The following PPP1R17 variants were observed in gnomAD, a reference collection of about 807,000 sequenced individuals.
The protein encoded by PPP1R17 is protein phosphatase 1 regulatory subunit 17, also known as G-substrate.
Under a neutral mutation model 15.9 loss-of-function variants are expected in PPP1R17, and 12 were observed. The ratio of observed to expected loss-of-function variants is 0.75; its 90% CI spans 0.48 to 1.22. The LOEUF (loss-of-function observed/expected upper bound fraction) is 1.22, where lower values mean the gene tolerates loss of function less well. Among genes scored for constraint, PPP1R17 ranks in the 50% most tolerant of loss-of-function variants. PPP1R17 has a pLI of 0.00. For missense variants in PPP1R17, 211 were observed against 187.3 expected, an observed-to-expected ratio of 1.13 and a Z score of -0.74; for synonymous variants, 63 against 64.5, an observed-to-expected ratio of 0.98 and a Z score of 0.11.
chr7:31,689,552 C>T (rs1792248579), intron 1 of PPP1R17, among the ~76,000 whole-genome samples: 1 of 151,998 alleles, frequency 6.6e-6, no homozygotes, highest in Non-Finnish European at 1.5e-5. Flanking sequence ...GGAAATATTC[C>T]ATTTCCTATG....
chr7:31,702,955 C>T (rs781153190), intron 4 of PPP1R17, among the ~76,000 whole-genome samples: 9 of 152,126 alleles, frequency 5.9e-5, no homozygotes, highest in South Asian at 2.1e-4. Flanking sequence ...TCCCAGTATA[C>T]GAAATTGAAC....
intron 1 of PPP1R17, among the ~76,000 whole-genome samples, chr7:31,691,762 CTT>C (rs1390789357): frequency 8.0e-6 from 1 of 124,426 alleles, no homozygotes; most frequent in Non-Finnish European, 1.6e-5. Context: ...GAGGTAGTCT[CTT>C]TACTTTATAC....
At chr7:31,704,316 A>G (rs1792978238) in intron 4 of PPP1R17, among the ~76,000 whole-genome samples, 2 of 152,192 alleles carry the variant, frequency 1.3e-5, no homozygotes, top group Admixed American at 1.3e-4. Flanking sequence ...TGTAATGTGC[A>G]TGAACTATTT....
At chr7:31,696,231 C>T (rs758651001) in intron 3 of PPP1R17, among the ~76,000 whole-genome samples, 1 of 152,154 alleles carries the variant, frequency 6.6e-6, no homozygotes, top group Non-Finnish European at 1.5e-5. Flanking sequence ...TTTCTCCCTC[C>T]CTCTTTGTCA....
chr7:31,702,207 A>ATTT (rs34824281), intron 4 of PPP1R17, among the ~76,000 whole-genome samples: 2,981 of 141,944 alleles, frequency 0.021, 75 homozygotes, highest in African/African-American at 0.068. Flanking sequence ...ACCCTTATTT[A>ATTT]TTTTTTTTTT....
rs1171861360 is a variant in PPP1R17, at chr7:31,707,211, A to G, written c.396A>G (p.Thr132=). Residue 132 remains threonine (T), a synonymous_variant, in exon 5 of 5, where the codon ACA becomes ACG. Transcript: ENST00000342032. ...LHMSPFAAGV[T]LLRDERPKAI... is the part of the protein sequence containing the mutation. ...CTGTGCTTTGTTTTGCAGGTGTGAC[A>G]TTGCTCAGGGACGAGAGACCCAAAG... 1.9e-6 allele frequency: 3 copies of G among 1,613,750 alleles called. No individual in the cohort carries two copies. In the South Asian group the frequency reaches 3.3e-5, roughly 18 times the overall value.
At position 31,707,413 on chromosome 7, in the gene PPP1R17, C is replaced by G; in HGVS notation, c.*130C>G. 1 of 705,532 alleles carries G rather than the reference C, an allele frequency of 1.4e-6. No individual in the cohort carries two copies. The highest frequency in any genetic ancestry group is 2.3e-6 in the Non-Finnish European group (1 of 426,478). 43.7% of individuals were successfully genotyped at this position (705,532 alleles called of 1,614,324 possible). Reference sequence around the variant, plus strand: ...CTTGAAGATTCAGACACCTTCTCCCCAGGAGATGTATGCCATCAAATTGCC... The same window carrying G: ...CTTGAAGATTCAGACACCTTCTCCCGAGGAGATGTATGCCATCAAATTGCC... On this transcript the variant is annotated 3_prime_UTR_variant, in exon 5 of 5. Coordinates refer to ENST00000342032, the MANE Select transcript of PPP1R17 (RefSeq NM_006658.5).
At chr7:31,688,135 A>G (rs34161) in intron 1 of PPP1R17, among the ~76,000 whole-genome samples, 63,546 of 152,026 alleles carry the variant, frequency 0.42, 16,301 homozygotes, top group African/African-American at 0.73. Context: ...TCACGAAAAT[A>G]TCAGTGTGTA....
At chr7:31,697,542 T>C (rs927092640) in intron 4 of PPP1R17, among the ~76,000 whole-genome samples, 3 of 152,196 alleles carry the variant, frequency 2.0e-5, no homozygotes, top group African/African-American at 7.2e-5. Context: ...AGGATAGCTA[T>C]CTGAATGTGT....
intron 2 of PPP1R17, 62 bp from the exon 3 acceptor site, chr7:31,695,407 G>A: frequency 2.0e-6 from 3 of 1,483,070 alleles, no homozygotes; most frequent in Non-Finnish European, 2.7e-6. Context: ...GAACCAAACA[G>A]TTTGTGACTG....
At chr7:31,691,352 T>C (rs1792333683) in intron 1 of PPP1R17, among the ~76,000 whole-genome samples, 1 of 152,206 alleles carries the variant, frequency 6.6e-6, no homozygotes, top group Non-Finnish European at 1.5e-5. Context: ...TGCATGCTGG[T>C]TGTCAAGAAA....
chr7:31,687,609 A>G (rs1032967564), intron 1 of PPP1R17, among the ~76,000 whole-genome samples: 2 of 152,232 alleles, frequency 1.3e-5, no homozygotes, highest in African/African-American at 2.4e-5. Flanking sequence ...GGCTGGGGAA[A>G]GTACAGAAAG....
At chr7:31,704,136 T>C (rs1034118269) in intron 4 of PPP1R17, among the ~76,000 whole-genome samples, 3 of 152,188 alleles carry the variant, frequency 2.0e-5, no homozygotes, top group Non-Finnish European at 2.9e-5. Flanking sequence ...CTGTGGACAT[T>C]TGGGCAGTTT....
chr7:31,689,774 C>T (rs886149458), intron 1 of PPP1R17, among the ~76,000 whole-genome samples: 8 of 152,118 alleles, frequency 5.3e-5, no homozygotes, highest in Non-Finnish European at 1.0e-4. Context: ...CTAAGAAGTC[C>T]GTAATGACAT....
chr7:31,706,431 T>G (rs1359615552), intron 4 of PPP1R17, among the ~76,000 whole-genome samples: 1 of 152,194 alleles, frequency 6.6e-6, no homozygotes, highest in Non-Finnish European at 1.5e-5. Context: ...AAAGGATATT[T>G]TAATCCCCAA....
intron 2 of PPP1R17, among the ~76,000 whole-genome samples, chr7:31,695,081 T>C (rs1792521514): frequency 6.6e-6 from 1 of 152,132 alleles, no homozygotes; most frequent in Admixed American, 6.5e-5. Flanking sequence ...TACTGGCCCT[T>C]GGGGTCTCCA....
At chr7:31,701,643 AAAGG>A (rs1221493988) in intron 4 of PPP1R17, among the ~76,000 whole-genome samples, 1 of 152,250 alleles carries the variant, frequency 6.6e-6, no homozygotes, top group African/African-American at 2.4e-5. Context: ...CTCTATTGTT[AAAGG>A]AAGAGTCCAT....
intron 2 of PPP1R17, among the ~76,000 whole-genome samples, chr7:31,694,851 G>A (rs1792508589): frequency 6.6e-6 from 1 of 152,196 alleles, no homozygotes; most frequent in Non-Finnish European, 1.5e-5. Context: ...GGGTAATGCA[G>A]AGGATTGAGA....
intron 4 of PPP1R17, among the ~76,000 whole-genome samples, chr7:31,697,479 G>A (rs1366848325): frequency 6.6e-6 from 1 of 152,126 alleles, no homozygotes; most frequent in Admixed American, 6.5e-5. Context: ...GAGACACTTG[G>A]ACTAATTGGC....
Sources: gnomAD v4.1 joint callset for allele counts (sites outside exome capture counted in the v4.1 genomes callset) on GRCh38, gnomAD v4.1.1 for gene constraint, MANE v1.5 for transcripts, NCBI Gene and HGNC (gene_info 2026-07-23, HGNC 2026-07-21) for gene names.